ACSS3: variants seen among roughly 807,000 people sequenced by gnomAD.
The protein encoded by ACSS3 is acyl-CoA synthetase short chain family member 3.
A neutral mutation model predicts 84.2 loss-of-function variants in ACSS3; 64 were observed. The ratio of observed to expected loss-of-function variants is 0.76; its 90% CI spans 0.62 to 0.94. The LOEUF is 0.94. Among genes scored for constraint, ACSS3 ranks in the 40% least tolerant of loss-of-function variants. ACSS3 has a pLI of 0.00. For synonymous variants in ACSS3, 317 were observed against 310.1 expected (o/e 1.02, Z -0.23); for missense variants, 815 against 867.6 (o/e 0.94, Z 0.76).
At chr12:81,239,414 T>G (rs1246095654) in intron 13 of ACSS3, among the ~76,000 whole-genome samples, 1 of 151,904 alleles carries the variant, frequency 6.6e-6, no homozygotes, top group Non-Finnish European at 1.5e-5. Flanking sequence ...CAGAAATGAA[T>G]AAATGAAGGT....
At position 81,255,106 on chromosome 12, in the gene ACSS3, T is replaced by C. The variant is rs2034260069; in HGVS notation, c.*184T>C. 1.8e-6 allele frequency: 1 copy of C among 553,408 alleles called. No individual in the cohort carries two copies. Among genetic ancestry groups the C allele is most frequent in the Non-Finnish European group, 3.1e-6 (1 of 326,938 alleles). 34.3% of individuals were successfully genotyped at this position (553,408 alleles called of 1,614,324 possible). The stretch of plus-strand genomic sequence containing the variant: ...AAAGACCTGTGCCTTTTTTTTGGTT[T>C]GACCCTGTTAGCATTGTTATTAGTT... On this transcript the variant is annotated 3_prime_UTR_variant, in exon 16 of 16. Coordinates refer to ENST00000548058, the MANE Select transcript of ACSS3 (RefSeq NM_024560.4).
Position 81,098,725 on chromosome 12 carries a change from G to A in ACSS3, c.312-10835G>A, listed in dbSNP as rs12422569. ...CATTTAAATAACTAGCAAATGACAT[G>A]GCTAAGATTCGAACTCTAGTCTGTT... On this transcript the variant is annotated intron_variant, in intron 1 of 15. Coordinates refer to ENST00000548058, the MANE Select transcript of ACSS3 (RefSeq NM_024560.4). 6.7e-3 allele frequency among the ~76,000 whole-genome samples: 1,022 copies of A among 152,294 alleles called. 48 individuals carry two copies. Among genetic ancestry groups the A allele is most frequent in the Admixed American group, 0.06 (920 of 15,290 alleles).
Position 81,236,367 on chromosome 12 carries a change from GTTA to G in ACSS3, c.1719+2906_1719+2908del, listed in dbSNP as rs1317480990. 4.6e-5 allele frequency among the ~76,000 whole-genome samples: 7 copies of G among 151,100 alleles called. 1 individual carries two copies. The highest frequency in any genetic ancestry group is 4.0e-4 in the Admixed American group (6 of 15,126). ...TTGATTCGTATAATTAATAATTATT[GTTA>G]TTATTATTAATCAATAGTAATTTTC... is the stretch of plus-strand genomic sequence containing the variant. On this transcript the variant is annotated intron_variant, in intron 13 of 15. Coordinates refer to ENST00000548058, the MANE Select transcript of ACSS3 (RefSeq NM_024560.4).
At chr12:81,184,617 G>A (rs767935562) in intron 8 of ACSS3, among the ~76,000 whole-genome samples, 1 of 151,598 alleles carries the variant, frequency 6.6e-6, no homozygotes, top group Non-Finnish European at 1.5e-5. Context: ...AAAATAAAGA[G>A]GATCGTAAGG....
At chr12:81,081,422 T>G (rs190079643) in intron 1 of ACSS3, among the ~76,000 whole-genome samples, 361 of 152,322 alleles carry the variant, frequency 2.4e-3, no homozygotes, top group Non-Finnish European at 4.5e-3. Flanking sequence ...TACTCCATAT[T>G]GTTAACACCT....
At chr12:81,147,601 G>C (rs1886402335) in intron 5 of ACSS3, among the ~76,000 whole-genome samples, 3 of 152,102 alleles carry the variant, frequency 2.0e-5, no homozygotes, top group African/African-American at 7.2e-5. Flanking sequence ...TGGTATTTTT[G>C]CAATGTCTTG....
intron 7 of ACSS3, among the ~76,000 whole-genome samples, chr12:81,158,722 G>C (rs1887004773): frequency 6.6e-6 from 1 of 152,056 alleles, no homozygotes; most frequent in South Asian, 2.1e-4. Context: ...TATGCTACTT[G>C]TCTGTTAGAT....
At chr12:81,226,414 T>G (rs1311579463) in intron 11 of ACSS3, among the ~76,000 whole-genome samples, 1 of 151,782 alleles carries the variant, frequency 6.6e-6, no homozygotes, top group Non-Finnish European at 1.5e-5. Context: ...ACGAATCATC[T>G]CACCAATTTC....
At chr12:81,124,600 T>A (rs943951071) in intron 2 of ACSS3, 2 of 152,194 alleles carry the variant, frequency 1.3e-5, no homozygotes, top group African/African-American at 4.8e-5. Context: ...AATGCTGCAT[T>A]TTCTTTTTTT....
intron 12 of ACSS3, 33 bp from the exon 13 acceptor site, chr12:81,233,316 T>A (rs1289790735): frequency 1.2e-6 from 2 of 1,602,240 alleles, no homozygotes; most frequent in African/African-American, 2.7e-5. Flanking sequence ...TAACAGTACA[T>A]GCTAATCAAA....
chr12:81,145,940 G>A (rs1399256381), intron 5 of ACSS3, among the ~76,000 whole-genome samples: 1 of 152,142 alleles, frequency 6.6e-6, no homozygotes, highest in Admixed American at 6.5e-5. Context: ...GGCAAAAGAA[G>A]GTAGTTATCT....
chr12:81,202,165 A>C (rs2032139916), intron 9 of ACSS3, among the ~76,000 whole-genome samples: 1 of 151,940 alleles, frequency 6.6e-6, no homozygotes, highest in South Asian at 2.1e-4. Flanking sequence ...TGTAATCCCA[A>C]CTACTTGGGA....
At chr12:81,208,759 G>A (rs1009844017) in intron 9 of ACSS3, among the ~76,000 whole-genome samples, 19 of 151,902 alleles carry the variant, frequency 1.3e-4, no homozygotes, top group African/African-American at 4.6e-4. Flanking sequence ...CTTTCACTTG[G>A]TCTCTCATTA....
rs1179963173 is a variant in ACSS3, at chr12:81,255,998, C to T, written c.*1076C>T. The T allele has an allele frequency of 2.6e-5, 4 of 152,146 alleles. No individual in the cohort carries two copies. The highest frequency in any genetic ancestry group is 9.7e-5 in the African/African-American group (4 of 41,428). The allele number at this position is 152,146 out of a possible 1,614,324, so 9.4% of individuals were successfully genotyped here. A position where few individuals can be genotyped will look rare whatever the true frequency, so the allele number is the denominator to read the frequency against. ...AAATGGGGTAGGGTGGCAAGGAAAA[C>T]TCTTAAGAGAGAAACATCAAGGTTT... On this transcript the variant is annotated 3_prime_UTR_variant, in exon 16 of 16. Coordinates refer to ENST00000548058, the MANE Select transcript of ACSS3 (RefSeq NM_024560.4).
intron 3 of ACSS3, 143 bp from the exon 4 acceptor site, chr12:81,138,988 T>C: frequency 1.2e-6 from 1 of 843,888 alleles, no homozygotes; most frequent in Non-Finnish European, 1.8e-6. Context: ...AAGGGTTTAC[T>C]GGTTTTCAGA....
At chr12:81,180,690 A>G (rs2030862432) in intron 8 of ACSS3, among the ~76,000 whole-genome samples, 1 of 151,950 alleles carries the variant, frequency 6.6e-6, no homozygotes. Flanking sequence ...TAATTTTTGT[A>G]TTATTAGCAG....
At position 81,150,962 on chromosome 12, in the gene ACSS3, A is replaced by G. The variant is rs553821238; in HGVS notation, c.922-882A>G. Among the ~76,000 whole-genome samples, 8 of 152,300 alleles carry G rather than the reference A, an allele frequency of 5.3e-5. No homozygotes were observed. The South Asian group carries it at 1.0e-3, about 20-fold the overall frequency. ...TACATGTGAATGGAATATACCTTCT[A>G]TCTCTTAGCAGGTGTTCACCTACTC... On this transcript the variant is annotated intron_variant, in intron 5 of 15. Transcript: ENST00000548058.
chr12:81,088,807 TA>T (rs1881486863), intron 1 of ACSS3, among the ~76,000 whole-genome samples: 1 of 152,062 alleles, frequency 6.6e-6, no homozygotes, highest in African/African-American at 2.4e-5. Flanking sequence ...TGAAACCGTT[TA>T]AAGTTTTTAC....
At position 81,103,134 on chromosome 12, in the gene ACSS3, T is replaced by C. The variant is rs559156626; in HGVS notation, c.312-6426T>C. 4.6e-5 allele frequency among the ~76,000 whole-genome samples: 7 copies of C among 152,280 alleles called. No homozygotes were observed. In the South Asian group the frequency reaches 1.4e-3, roughly 32 times the overall value. ...ATTAATTTTATTATTGAATAGCCAT[T>C]GAATGGAATATTATGCCATCATTAC... On this transcript the variant is annotated intron_variant, in intron 1 of 15. Transcript: ENST00000548058.
Sources: allele counts gnomAD v4.1 joint callset (sites outside exome capture counted in the v4.1 genomes callset), GRCh38; gene constraint gnomAD v4.1.1; transcripts MANE v1.5; gene names NCBI Gene and HGNC (gene_info 2026-07-23, HGNC 2026-07-21).